The following RTL4 variants were observed in gnomAD, a reference collection of about 807,000 sequenced individuals.
RTL4 encodes the protein retrotransposon Gag like 4.
RTL4 carries 4 observed loss-of-function variants against 5.3 expected under a neutral mutation model. The ratio of observed to expected loss-of-function variants is 0.75; its 90% CI spans 0.37 to 1.72. The LOEUF is 1.72. Among genes scored for constraint, RTL4 ranks in the 40% most tolerant of loss-of-function variants. RTL4 has a pLI of 0.04. For synonymous variants in RTL4, 98 were observed against 87.3 expected (o/e 1.12, Z -0.68); for missense variants, 260 against 227.1 (o/e 1.14, Z -0.93).
At chrX:112,433,268 G>A in the RTL4 span, among the ~76,000 whole-genome samples, 2 of 107,086 alleles carry the variant, frequency 1.9e-5, no homozygotes, top group African/African-American at 6.9e-5. Context: ...ATTCTGTGAA[G>A]AAAGTCATTG....
chrX:112,456,723 C>A (rs781569216), exon 1 of RTL4: 2 of 167,667 alleles, frequency 1.2e-5, no homozygotes, highest in African/African-American at 6.1e-5. Context: ...TGAGCTCTAC[C>A]TTTATGGACC....
At chrX:112,233,033 G>C in the RTL4 span, among the ~76,000 whole-genome samples, 23 of 111,608 alleles carry the variant, frequency 2.1e-4, no homozygotes, top group South Asian at 8.8e-3. Context: ...GAGATCAAGA[G>C]GCAGTAAAGT....
chrX:112,286,792 A>G, the RTL4 span, among the ~76,000 whole-genome samples: 1 of 111,804 alleles, frequency 8.9e-6, no homozygotes, highest in Admixed American at 9.5e-5. Flanking sequence ...TCTGGTAGAA[A>G]GAGAAGAATG....
At chrX:112,404,257 C>A in the RTL4 span, among the ~76,000 whole-genome samples, 1 of 112,064 alleles carries the variant, frequency 8.9e-6, no homozygotes, top group East Asian at 2.8e-4. Flanking sequence ...TATTCATATG[C>A]TGTATTGAAA....
the RTL4 span, among the ~76,000 whole-genome samples, chrX:112,260,709 G>A: frequency 1.8e-5 from 2 of 111,661 alleles, no homozygotes; most frequent in South Asian, 3.8e-4. Flanking sequence ...ACATAAGGCC[G>A]CTGCTTTCTC....
chrX:112,381,570 G>C, the RTL4 span: 1 of 1,190,860 alleles, frequency 8.4e-7, no homozygotes, highest in South Asian at 1.8e-5. Flanking sequence ...GTATGGAACA[G>C]CTATTTACAA....
chrX:112,431,689 T>C, the RTL4 span, among the ~76,000 whole-genome samples: 5,080 of 111,265 alleles, frequency 0.046, 270 homozygotes, highest in African/African-American at 0.14. Flanking sequence ...TCAGTTTGTT[T>C]AGCTTTTTAT....
At chrX:112,182,046 T>C in the RTL4 span, among the ~76,000 whole-genome samples, 1 of 111,674 alleles carries the variant, frequency 9.0e-6, no homozygotes, top group African/African-American at 3.3e-5. Context: ...AAACAGGGTC[T>C]GGGGTGGACC....
At chrX:112,383,083 T>A in the RTL4 span, among the ~76,000 whole-genome samples, 1 of 111,938 alleles carries the variant, frequency 8.9e-6, no homozygotes, top group African/African-American at 3.2e-5. Flanking sequence ...CCTAAATGCT[T>A]TAGTTTTAGG....
At chrX:112,182,970 A>G in the RTL4 span, among the ~76,000 whole-genome samples, 20 of 112,319 alleles carry the variant, frequency 1.8e-4, no homozygotes, top group Non-Finnish European at 1.9e-5. Context: ...GGATCTCTGC[A>G]GATACCCTAC....
the RTL4 span, among the ~76,000 whole-genome samples, chrX:112,322,170 T>G: frequency 9.0e-6 from 1 of 111,636 alleles, no homozygotes; most frequent in Non-Finnish European, 1.9e-5. Context: ...TGTGGCATTT[T>G]CAGTGACTAA....
chrX:112,434,439 A>G, the RTL4 span, among the ~76,000 whole-genome samples: 3 of 111,443 alleles, frequency 2.7e-5, no homozygotes, highest in Admixed American at 9.5e-5. Flanking sequence ...TAGAGATTCA[A>G]CTTCTTCCTG....
At chrX:112,361,831 C>T in the RTL4 span, among the ~76,000 whole-genome samples, 1 of 111,063 alleles carries the variant, frequency 9.0e-6, no homozygotes, top group Non-Finnish European at 1.9e-5. Context: ...GAGGTTCTAT[C>T]CCCAAATAGG....
the RTL4 span, among the ~76,000 whole-genome samples, chrX:112,383,906 G>A: frequency 2.7e-3 from 304 of 111,604 alleles, no homozygotes; most frequent in African/African-American, 9.1e-3. Context: ...TGATGAGACC[G>A]TTTGTATCCC....
At chrX:112,254,454 T>A in the RTL4 span, among the ~76,000 whole-genome samples, 1 of 110,262 alleles carries the variant, frequency 9.1e-6, no homozygotes, top group Non-Finnish European at 1.9e-5. Context: ...CTCAGCCTTC[T>A]GAGTAGCTGG....
At chrX:112,302,350 T>C in the RTL4 span, among the ~76,000 whole-genome samples, 1 of 111,193 alleles carries the variant, frequency 9.0e-6, no homozygotes, top group Non-Finnish European at 1.9e-5. Flanking sequence ...TTGTGTGATA[T>C]TAGCCAAGTT....
chrX:112,266,452 C>T, the RTL4 span, among the ~76,000 whole-genome samples: 1 of 110,468 alleles, frequency 9.1e-6, no homozygotes, highest in African/African-American at 3.3e-5. Flanking sequence ...TTATTTAGGA[C>T]TCCTCAAGAC....
At chrX:112,322,778 C>A in the RTL4 span, among the ~76,000 whole-genome samples, 11 of 111,294 alleles carry the variant, frequency 9.9e-5, no homozygotes, top group Non-Finnish European at 2.1e-4. Context: ...TATTTTTTAA[C>A]GGGGTTGTAC....
At chrX:112,337,558 C>T in the RTL4 span, among the ~76,000 whole-genome samples, 1 of 111,835 alleles carries the variant, frequency 8.9e-6, no homozygotes, top group Admixed American at 9.5e-5. Context: ...GCTGGGACTA[C>T]AGGCGTGAGC....
Sources: allele counts gnomAD v4.1 joint callset (sites outside exome capture counted in the v4.1 genomes callset), GRCh38; gene constraint gnomAD v4.1.1; transcripts MANE v1.5; gene names NCBI Gene and HGNC (gene_info 2026-07-23, HGNC 2026-07-21).